MGAT4C: variants seen among roughly 807,000 people sequenced by gnomAD.
MGAT4C encodes the protein alpha-1,3-mannosyl-glycoprotein 4-beta-N-acetylglucosaminyltransferase C.
Under a neutral mutation model 40.1 loss-of-function variants are expected in MGAT4C, and 19 were observed. The ratio of observed to expected loss-of-function variants is 0.47; its 90% confidence interval spans 0.33 to 0.70. The LOEUF is 0.70. Ranked by LOEUF, MGAT4C falls within the 30% of genes least tolerant of loss-of-function variation. MGAT4C has a pLI of 0.02. For synonymous variants in MGAT4C, 181 were observed against 187.1 expected, an observed-to-expected ratio of 0.97 and a Z score of 0.27; for missense variants, 491 against 563.2, an observed-to-expected ratio of 0.87 and a Z score of 1.30.
chr12:86,138,143 A>G lies in MGAT4C; in HGVS notation c.-56-88420T>C, dbSNP rs116452952. The stretch of plus-strand genomic sequence containing the variant: ...TACTCCACTCTATCCTGTTTCCTTT[A>G]TCCTGCTTGGCTCCTCTTCCTTGCT... On this transcript the variant is annotated intron_variant, in intron 1 of 4. Transcript: ENST00000611864. Among the ~76,000 whole-genome samples the G allele has an allele frequency of 3.0e-3, 449 of 151,982 alleles. 3 individuals are homozygous for G. The highest frequency in any genetic ancestry group is 0.01 in the African/African-American group (417 of 41,458).
chr12:86,774,856 G>A (rs538669187), intron 1 of MGAT4C, among the ~76,000 whole-genome samples: 89 of 152,224 alleles, frequency 5.8e-4, no homozygotes, highest in Middle Eastern at 3.4e-3. Context: ...GGTCTCATGA[G>A]TACTTCATTA....
intron 1 of MGAT4C, among the ~76,000 whole-genome samples, chr12:86,178,029 T>TG (rs1305696016): frequency 3.3e-5 from 5 of 152,100 alleles, no homozygotes; most frequent in African/African-American, 1.2e-4. Flanking sequence ...CTCCGCCTCC[T>TG]GGGTTCACAC....
At chr12:86,585,989 G>T (rs1167932340) in intron 2 of MGAT4C, among the ~76,000 whole-genome samples, 2 of 148,536 alleles carry the variant, frequency 1.3e-5, no homozygotes, top group Non-Finnish European at 3.0e-5. Flanking sequence ...TAGGGTACAT[G>T]TGCACAATGT....
At chr12:86,442,813 T>G (rs531733718) in intron 2 of MGAT4C, among the ~76,000 whole-genome samples, 1 of 150,020 alleles carries the variant, frequency 6.7e-6, no homozygotes, top group Admixed American at 6.7e-5. Context: ...ACCAACTTAA[T>G]TGTTGTTTTA....
chr12:86,388,672 T>C lies in MGAT4C; in HGVS notation c.-120+46485A>G, dbSNP rs868177048. On this transcript the variant is annotated intron_variant, in intron 3 of 7. Transcript: ENST00000548651. ...TTGATCAATAAACACTTCAGCGTTT[T>C]TTGTTTTTTTTTTTTTTTTTTTTTT... 7.3e-4 allele frequency among the ~76,000 whole-genome samples: 109 copies of C among 148,946 alleles called. 1 individual carries two copies. The highest frequency in any genetic ancestry group is 2.6e-3 in the African/African-American group (106 of 40,260).
chr12:86,826,817 T>G (rs953169929), intron 1 of MGAT4C, among the ~76,000 whole-genome samples: 1 of 151,370 alleles, frequency 6.6e-6, no homozygotes, highest in Non-Finnish European at 1.5e-5. Context: ...TTCCACCAAA[T>G]ATTCTCAAGT....
rs10679798 is a variant in MGAT4C, at chr12:86,503,787, CAT to C, written c.-228-68524_-228-68523del. Reference sequence around the variant, plus strand: ...ATATATATATATATAGAGTTCTGCTCATATATATATATATATATATATATATG... The same window carrying C: ...ATATATATATATATAGAGTTCTGCTCATATATATATATATATATATATATG... On this transcript the variant is annotated intron_variant, in intron 2 of 7. Transcript: ENST00000548651. 6.4e-3 allele frequency among the ~76,000 whole-genome samples: 100 copies of C among 15,746 alleles called. 18 individuals are homozygous for C. The highest frequency in any genetic ancestry group is 0.015 in the African/African-American group (76 of 4,966). The allele number at this position is 15,746 out of a possible 152,430, so 10.3% of individuals were successfully genotyped here. A position where few individuals can be genotyped will look rare whatever the true frequency, so the allele number is the denominator to read the frequency against.
chr12:86,700,248 T>C lies in MGAT4C; in HGVS notation c.-229+26961A>G, dbSNP rs538566349. 1.9e-4 allele frequency among the ~76,000 whole-genome samples: 29 copies of C among 152,204 alleles called. 1 individual carries two copies. In the South Asian group the frequency reaches 5.8e-3, roughly 30 times the overall value. On this transcript the variant is annotated intron_variant, in intron 2 of 7. Coordinates refer to the MGAT4C transcript ENST00000548651. ...AGCATAAACTGATGCATAATTTTTC[T>C]GGCAGCCTAGGTCATCAAGCCATAC...
chr12:86,761,546 T>C (rs1431066923), intron 1 of MGAT4C, among the ~76,000 whole-genome samples: 1 of 152,218 alleles, frequency 6.6e-6, no homozygotes, highest in Non-Finnish European at 1.5e-5. Context: ...ATCTATCCTC[T>C]TATATTTCTG....
intron 4 of MGAT4C, among the ~76,000 whole-genome samples, chr12:86,297,200 T>C (rs1953703883): frequency 6.6e-6 from 1 of 152,174 alleles, no homozygotes; most frequent in Admixed American, 6.5e-5. Flanking sequence ...GGCTTTCGAA[T>C]CCTACAAAAA....
chr12:86,402,219 C>T (rs973080561), intron 3 of MGAT4C, among the ~76,000 whole-genome samples: 8 of 151,832 alleles, frequency 5.3e-5, no homozygotes, highest in Non-Finnish European at 1.0e-4. Flanking sequence ...CCGAGGCAGG[C>T]GGATCCCTTG....
intron 3 of MGAT4C, among the ~76,000 whole-genome samples, chr12:86,365,666 G>A (rs1379104649): frequency 6.6e-6 from 1 of 150,934 alleles, no homozygotes; most frequent in African/African-American, 2.4e-5. Flanking sequence ...CTGACTTCCC[G>A]CAACATTTCC....
At chr12:86,441,438 G>A (rs1033016261) in intron 2 of MGAT4C, among the ~76,000 whole-genome samples, 6 of 151,462 alleles carry the variant, frequency 4.0e-5, no homozygotes, top group African/African-American at 1.5e-4. Context: ...ATGTTGGTGT[G>A]CTGCACCCAT....
Position 85,979,940 on chromosome 12 carries a change from T to G in MGAT4C, c.786A>C (p.Lys262Asn), listed in dbSNP as rs772953057. The G allele has an allele frequency of 6.2e-7, 1 of 1,613,554 alleles. No homozygotes were observed. The highest frequency in any genetic ancestry group is 8.5e-7 in the Non-Finnish European group (1 of 1,179,840). The part of the protein sequence containing the change: ...LEFSKLGYIG[K>N]LYHSHDLPRL... ...GTGGGAGATCATGAGAATGATAGAG[T>G]TTACCAATGTAGCCAAGCTTAGAGA... The change falls in exon 5 of 5, where the codon AAA becomes AAC. Residue 262 changes from lysine to asparagine, a missense_variant. Physicochemically the swap from Lys to Asn is moderately conservative, Grantham distance 94 (BLOSUM62 0). Transcript: ENST00000611864.
At chr12:86,373,194 A>AG in intron 3 of MGAT4C, among the ~76,000 whole-genome samples, 1 of 151,946 alleles carries the variant, frequency 6.6e-6, no homozygotes, top group Non-Finnish European at 1.5e-5. Flanking sequence ...GGTAACTGAT[A>AG]GGGTTAAGAT....
chr12:86,570,785 C>G (rs1960331304), intron 2 of MGAT4C, among the ~76,000 whole-genome samples: 1 of 151,926 alleles, frequency 6.6e-6, no homozygotes, highest in East Asian at 1.9e-4. Flanking sequence ...TCTATTACCC[C>G]CATGTTATTT....
chr12:86,533,916 A>G (rs1371717686), intron 2 of MGAT4C, among the ~76,000 whole-genome samples: 5 of 152,010 alleles, frequency 3.3e-5, no homozygotes, highest in Non-Finnish European at 5.9e-5. Flanking sequence ...AAGACTGACA[A>G]AGCAGACTCT....
chr12:86,185,602 G>A (rs1888672991), intron 1 of MGAT4C, among the ~76,000 whole-genome samples: 4 of 152,128 alleles, frequency 2.6e-5, no homozygotes, highest in Admixed American at 2.6e-4. Context: ...ATTGTGGATA[G>A]TCACTGATGA....
intron 1 of MGAT4C, among the ~76,000 whole-genome samples, chr12:86,084,216 T>C (rs10779236): frequency 0.8 from 121,831 of 151,992 alleles, 49,558 homozygotes; most frequent in East Asian, 0.97. Context: ...GTGAGCATTA[T>C]ATAGAAAAAT....
Sources: allele counts gnomAD v4.1 joint callset (sites outside exome capture counted in the v4.1 genomes callset), GRCh38; gene constraint gnomAD v4.1.1; transcripts MANE v1.5; gene names NCBI Gene and HGNC (gene_info 2026-07-23, HGNC 2026-07-21).